Variants in VDAC1 observed in about 807,000 individuals in gnomAD.
VDAC1 encodes the protein non-selective voltage-gated ion channel VDAC1.
Under a neutral mutation model 34.7 loss-of-function variants are expected in VDAC1, and 10 were observed. The observed-to-expected ratio is 0.29, with a 90% CI of 0.18 to 0.49. The LOEUF is 0.49. Ranked by LOEUF, VDAC1 falls within the 20% of genes least tolerant of loss-of-function variation. VDAC1 has a pLI of 0.99. For synonymous variants in VDAC1, 130 were observed against 136.0 expected (o/e 0.96, Z 0.30); for missense variants, 230 against 347.9 (o/e 0.66, Z 2.69).
chr5:133,991,227 T>C (rs1030073707), intron 3 of VDAC1, 73 bp from the exon 4 acceptor site: 5 of 1,579,956 alleles, frequency 3.2e-6, no homozygotes, highest in Non-Finnish European at 3.4e-6. Flanking sequence ...CTAAACACTA[T>C]ACTTGCCTTT....
chr5:134,042,757 G>A, the VDAC1 span, among the ~76,000 whole-genome samples: 2 of 152,214 alleles, frequency 1.3e-5, no homozygotes, highest in Non-Finnish European at 2.9e-5. Flanking sequence ...AAAGTGCTGG[G>A]GATTACAGGC....
chr5:134,034,505 C>T, the VDAC1 span, among the ~76,000 whole-genome samples: 72,262 of 152,088 alleles, frequency 0.48, 18,313 homozygotes, highest in Non-Finnish European at 0.57. Flanking sequence ...TCCACTAGCC[C>T]GGGAAGCCCA....
At chr5:134,028,174 C>T in the VDAC1 span, among the ~76,000 whole-genome samples, 5 of 151,798 alleles carry the variant, frequency 3.3e-5, no homozygotes, top group Admixed American at 6.6e-5. Context: ...ACTCTGTTGC[C>T]CAGGCTGGAG....
At chr5:134,080,425 T>G in the VDAC1 span, among the ~76,000 whole-genome samples, 2 of 146,056 alleles carry the variant, frequency 1.4e-5, no homozygotes, top group Non-Finnish European at 3.0e-5. Flanking sequence ...CCTTGGTCTC[T>G]CCCAGCCCCA....
the VDAC1 span, among the ~76,000 whole-genome samples, chr5:134,110,138 C>T: frequency 3.9e-5 from 6 of 152,238 alleles, no homozygotes; most frequent in African/African-American, 1.4e-4. Flanking sequence ...TCCTAACAAG[C>T]CCTGTGAAGC....
chr5:134,060,707 T>A, the VDAC1 span, among the ~76,000 whole-genome samples: 1 of 151,476 alleles, frequency 6.6e-6, no homozygotes, highest in South Asian at 2.1e-4. Flanking sequence ...AGTTTTTAAG[T>A]TAGTTGTAAG....
At chr5:134,054,816 G>T in the VDAC1 span, among the ~76,000 whole-genome samples, 4 of 152,082 alleles carry the variant, frequency 2.6e-5, no homozygotes, top group African/African-American at 9.7e-5. Context: ...CCCTCCTCCT[G>T]ATTAACCTGA....
chr5:134,034,815 G>A, the VDAC1 span, among the ~76,000 whole-genome samples: 1 of 151,756 alleles, frequency 6.6e-6, no homozygotes, highest in African/African-American at 2.4e-5. Flanking sequence ...TGCGAGTAAG[G>A]AAAGGAGCAA....
upstream of VDAC1, among the ~76,000 whole-genome samples, chr5:134,007,191 C>G (rs1199989670): frequency 1.3e-5 from 2 of 150,666 alleles, no homozygotes; most frequent in African/African-American, 4.9e-5. Flanking sequence ...TTGCGGTGAG[C>G]TAAGATCTCA....
At chr5:134,099,471 A>G in the VDAC1 span, among the ~76,000 whole-genome samples, 1 of 152,204 alleles carries the variant, frequency 6.6e-6, no homozygotes, top group Non-Finnish European at 1.5e-5. Context: ...AGCCTGGCGC[A>G]GTCCGGCACA....
the VDAC1 span, among the ~76,000 whole-genome samples, chr5:134,101,469 G>C: frequency 6.6e-6 from 1 of 151,870 alleles, no homozygotes; most frequent in South Asian, 2.1e-4. Flanking sequence ...GTGCATGCCT[G>C]TAGTCCCAGC....
the VDAC1 span, among the ~76,000 whole-genome samples, chr5:134,045,396 G>T: frequency 2.0e-5 from 3 of 152,218 alleles, no homozygotes. Context: ...GAGGTCAGAA[G>T]TCCTAAAACC....
chr5:134,004,721 G>A (rs1580736922), intron 1 of VDAC1, 174 bp downstream of exon 1: 1 of 151,228 alleles, frequency 6.6e-6, no homozygotes, highest in Non-Finnish European at 1.5e-5. Flanking sequence ...GCCGAGCCAG[G>A]GAGCGGAGCC....
intron 1 of VDAC1, among the ~76,000 whole-genome samples, chr5:133,993,940 G>A (rs867473326): frequency 1.5e-4 from 23 of 152,106 alleles, no homozygotes; most frequent in African/African-American, 5.6e-4. Flanking sequence ...CTCTGCCCAG[G>A]AGGAGAGGGG....
At chr5:134,023,131 G>A in the VDAC1 span, among the ~76,000 whole-genome samples, 2 of 152,146 alleles carry the variant, frequency 1.3e-5, no homozygotes, top group African/African-American at 2.4e-5. Context: ...ACACCATGGA[G>A]TAACTATGCA....
At chr5:134,013,453 A>ATT in the VDAC1 span, among the ~76,000 whole-genome samples, 1 of 152,156 alleles carries the variant, frequency 6.6e-6, no homozygotes, top group Non-Finnish European at 1.5e-5. Context: ...ACAAACAAAC[A>ATT]AACAAAATTG....
At chr5:134,006,327 AG>A (rs1385620857), upstream of VDAC1, among the ~76,000 whole-genome samples, 1 of 152,116 alleles carries the variant, frequency 6.6e-6, no homozygotes, top group Non-Finnish European at 1.5e-5. Context: ...GGGCGGGACA[AG>A]GCGGGGCTCC....
chr5:134,069,407 G>A, the VDAC1 span, among the ~76,000 whole-genome samples: 1 of 152,144 alleles, frequency 6.6e-6, no homozygotes. Context: ...AACATATGAA[G>A]GTGGAGCAGG....
intron 5 of VDAC1, among the ~76,000 whole-genome samples, chr5:133,982,656 G>A (rs187251664): frequency 5.6e-4 from 85 of 152,258 alleles, no homozygotes; most frequent in Admixed American, 2.9e-3. Context: ...TCGGGAGGCC[G>A]AGGTGGGTGG....
Sources: allele counts gnomAD v4.1 joint callset (sites outside exome capture counted in the v4.1 genomes callset), GRCh38; gene constraint gnomAD v4.1.1; transcripts MANE v1.5; gene names NCBI Gene and HGNC (gene_info 2026-07-23, HGNC 2026-07-21).